PRRC2B: variants seen among roughly 807,000 people sequenced by gnomAD.
PRRC2B encodes protein PRRC2B.
A neutral mutation model predicts 242.3 loss-of-function variants in PRRC2B; 68 were observed. The observed-to-expected ratio is 0.28, with a 90% CI of 0.23 to 0.34. The LOEUF (loss-of-function observed/expected upper bound fraction) is 0.34, where lower values mean the gene tolerates loss of function less well. Among genes scored for constraint, PRRC2B ranks in the 10% least tolerant of loss-of-function variants. The pLI is 1.00. For missense variants in PRRC2B, 2,835 were observed against 2,954.8 expected, an observed-to-expected ratio of 0.96 and a Z score of 0.94; for synonymous variants, 1,228 against 1,173.6, an observed-to-expected ratio of 1.05 and a Z score of -0.95.
intron 30 of PRRC2B, among the ~76,000 whole-genome samples, chr9:131,493,639 G>A (rs560916693): frequency 6.6e-6 from 1 of 152,372 alleles, no homozygotes; most frequent in South Asian, 2.1e-4. Context: ...TGTTTTAGGG[G>A]GGTTGGGGAA....
At chr9:131,440,912 C>T (rs187692258) in intron 5 of PRRC2B, among the ~76,000 whole-genome samples, 1 of 152,126 alleles carries the variant, frequency 6.6e-6, no homozygotes, top group Non-Finnish European at 1.5e-5. Context: ...CCAGCCTGGG[C>T]AACATGGTGA....
At chr9:131,416,110 C>CT (rs1459769641) in intron 1 of PRRC2B, among the ~76,000 whole-genome samples, 7 of 148,628 alleles carry the variant, frequency 4.7e-5, no homozygotes, top group African/African-American at 1.8e-4. Flanking sequence ...GTTTTCTTTT[C>CT]TTTCTTTTTT....
At chr9:131,435,358 T>C (rs1228390699) in intron 3 of PRRC2B, among the ~76,000 whole-genome samples, 1 of 151,544 alleles carries the variant, frequency 6.6e-6, no homozygotes, top group Non-Finnish European at 1.5e-5. Flanking sequence ...CTCACACCTG[T>C]AATCCCAGCA....
At chr9:131,455,036 C>A in intron 9 of PRRC2B, 40 bp from the exon 10 acceptor site, 1 of 1,532,798 alleles carries the variant, frequency 6.5e-7, no homozygotes, top group South Asian at 1.2e-5. Context: ...CTGACTTTTT[C>A]ATTCTTTCTC....
chr9:131,487,324 G>A lies in PRRC2B; in HGVS notation c.5984+30G>A. On this transcript the variant is annotated intron_variant, in intron 27 of 31. Transcript: ENST00000683519. This position sits in a 1 kb window ranked among gnomAD's most constrained non-coding sequence, Gnocchi z 5.3. The stretch of plus-strand genomic sequence containing the variant: ...GCTCATGTACCAGCTTGCGGAGCTG[G>A]CAGCTCACAGCCAGGGCCTTGGCCC... 1 of 1,555,366 alleles carries A rather than the reference G, an allele frequency of 6.4e-7. No homozygotes were observed.
At chr9:131,421,463 T>TA (rs1457636278) in intron 1 of PRRC2B, among the ~76,000 whole-genome samples, 1 of 152,222 alleles carries the variant, frequency 6.6e-6, no homozygotes, top group African/African-American at 2.4e-5. Flanking sequence ...CCCACATTGT[T>TA]ACTTCCTGAA....
intron 1 of PRRC2B, among the ~76,000 whole-genome samples, chr9:131,428,284 G>T (rs1408833873): frequency 2.7e-5 from 4 of 150,718 alleles, no homozygotes; most frequent in Non-Finnish European, 5.9e-5. Flanking sequence ...ACAGTGGCCT[G>T]ATCATAGCTC....
chr9:131,413,542 A>AT (rs1837560669), intron 1 of PRRC2B, among the ~76,000 whole-genome samples: 1 of 152,200 alleles, frequency 6.6e-6, no homozygotes, highest in South Asian at 2.1e-4. Context: ...CACCCAGCTA[A>AT]TTTTTAGTGG....
At chr9:131,395,320 G>A (rs1837018885) in intron 1 of PRRC2B, among the ~76,000 whole-genome samples, 1 of 152,062 alleles carries the variant, frequency 6.6e-6, no homozygotes, top group Non-Finnish European at 1.5e-5. Context: ...TTTGTACAGT[G>A]TCATCCAGTT....
At chr9:131,432,023 G>A (rs1169306638) in intron 2 of PRRC2B, among the ~76,000 whole-genome samples, 1 of 150,452 alleles carries the variant, frequency 6.6e-6, no homozygotes, top group Non-Finnish European at 1.5e-5. Flanking sequence ...CGAACTCCTG[G>A]GCTCAAGCGA....
Position 131,476,080 on chromosome 9 carries a change from G to C in PRRC2B, c.3951G>C (p.Arg1317=), listed in dbSNP as rs1943686963. 6.2e-7 allele frequency: 1 copy of C among 1,607,626 alleles called. No individual in the cohort carries two copies. ...AGCCCCCTCGATTCCGGCGCCTCCG[G>C]CAAGAGCGGGAGTCCCTGGGCCTGT... is the stretch of plus-strand genomic sequence containing the variant. ...QDKPPRFRRL[R]QERESLGLWG... is the part of the protein sequence containing the mutation. The change falls in exon 16 of 32, where the codon CGG becomes CGC. Residue 1317 remains arginine (R), a synonymous_variant. Coordinates refer to ENST00000683519, the MANE Select transcript of PRRC2B (RefSeq NM_013318.4).
chr9:131,463,897 T>C (rs907760374), intron 11 of PRRC2B, among the ~76,000 whole-genome samples: 5 of 151,112 alleles, frequency 3.3e-5, no homozygotes, highest in African/African-American at 1.2e-4. Flanking sequence ...CCCCACAAAG[T>C]GTAGGAATTA....
upstream of PRRC2B, among the ~76,000 whole-genome samples, chr9:131,393,430 C>G (rs757586962): frequency 2.0e-5 from 3 of 152,142 alleles, no homozygotes; most frequent in Non-Finnish European, 4.4e-5. Context: ...TGCAGTCTCC[C>G]GGACCTTTTG....
At chr9:131,382,654 T>TG (rs1198660516) in intron 1 of PRRC2B, among the ~76,000 whole-genome samples, 5 of 151,176 alleles carry the variant, frequency 3.3e-5, no homozygotes, top group African/African-American at 1.2e-4. Flanking sequence ...TTTTTTTTTT[T>TG]GGAGACAGAG....
chr9:131,432,042 C>T (rs1838193695), intron 2 of PRRC2B, among the ~76,000 whole-genome samples: 1 of 152,146 alleles, frequency 6.6e-6, no homozygotes, highest in Non-Finnish European at 1.5e-5. Flanking sequence ...GATCTACCCA[C>T]CTCGGCCTCC....
Position 131,399,419 on chromosome 9 carries a change from A to C in PRRC2B, c.-52+5156A>C, listed in dbSNP as rs531430092. On this transcript the variant is annotated intron_variant, in intron 1 of 31. Coordinates refer to ENST00000683519, the MANE Select transcript of PRRC2B (RefSeq NM_013318.4). ...ACGATGAAACCCCGTGTCTACTAAAAATACAAAAAATTAGCCGGGCGTGGT... is the reference window on the plus strand; with the variant it reads ...ACGATGAAACCCCGTGTCTACTAAACATACAAAAAATTAGCCGGGCGTGGT... Among the ~76,000 whole-genome samples, 17 of 152,094 alleles carry C rather than the reference A, an allele frequency of 1.1e-4. No individual in the cohort carries two copies. In the East Asian group the frequency reaches 3.1e-3, roughly 28 times the overall value.
At position 131,474,478 on chromosome 9, in the gene PRRC2B, A is replaced by C. The variant is rs751206876; in HGVS notation, c.2349A>C (p.Ser783=). The change falls in exon 16 of 32, where the codon TCA becomes TCC. Residue 783 remains serine, a synonymous_variant. Coordinates refer to ENST00000683519, the MANE Select transcript of PRRC2B (RefSeq NM_013318.4). ...RVRNESSFSA[S]LGRAGGVSAQ... ...GGAATGAAAGCTCTTTCTCTGCCTCACTCGGAAGGGCAGGGGGCGTAAGTG... is the reference window on the plus strand; with the variant it reads ...GGAATGAAAGCTCTTTCTCTGCCTCCCTCGGAAGGGCAGGGGGCGTAAGTG... 113 of 1,609,908 alleles carry C rather than the reference A, an allele frequency of 7.0e-5. No homozygotes were observed. Among genetic ancestry groups the C allele is most frequent in the Non-Finnish European group, 8.2e-5 (97 of 1,177,246 alleles).
At chr9:131,400,963 C>CTT (rs765033495) in intron 1 of PRRC2B, among the ~76,000 whole-genome samples, 5 of 131,366 alleles carry the variant, frequency 3.8e-5, no homozygotes, top group East Asian at 2.1e-4. Flanking sequence ...TTCTTTCTTT[C>CTT]TTTTTTTTTT....
intron 1 of PRRC2B, among the ~76,000 whole-genome samples, chr9:131,408,335 T>C (rs1290257326): frequency 1.3e-5 from 2 of 152,228 alleles, no homozygotes; most frequent in East Asian, 3.8e-4. Flanking sequence ...CATGTAAAGA[T>C]ACATGTACTG....
Sources: allele counts gnomAD v4.1 joint callset (sites outside exome capture counted in the v4.1 genomes callset), GRCh38; gene constraint gnomAD v4.1.1; non-coding constraint Gnocchi (gnomAD v3.1); transcripts MANE v1.5; gene names NCBI Gene and HGNC (gene_info 2026-07-23, HGNC 2026-07-21).